ADK: variants seen among roughly 807,000 people sequenced by gnomAD.
ADK encodes adenosine kinase.
ADK carries 24 observed loss-of-function variants against 44.7 expected under a neutral mutation model. That is an observed-to-expected ratio of 0.54 (90% CI 0.39 to 0.76). ADK has a LOEUF of 0.76. ADK is among the 30% of genes least tolerant of loss of function. The pLI, the probability that ADK is intolerant of heterozygous loss-of-function variation, is 0.00. For synonymous variants in ADK, 128 were observed against 142.6 expected, an observed-to-expected ratio of 0.90 and a Z score of 0.73; for missense variants, 321 against 425.1, an observed-to-expected ratio of 0.76 and a Z score of 2.15.
intron 7 of ADK, among the ~76,000 whole-genome samples, chr10:74,539,627 T>G (rs1419105535): frequency 6.6e-6 from 1 of 152,070 alleles, no homozygotes; most frequent in Non-Finnish European, 1.5e-5. Context: ...AGACAAAATG[T>G]AAGGTTGTTA....
chr10:74,644,888 G>T (rs982194759), intron 9 of ADK, among the ~76,000 whole-genome samples: 3 of 152,032 alleles, frequency 2.0e-5, no homozygotes, highest in Non-Finnish European at 2.9e-5. Flanking sequence ...TTATATGTAT[G>T]CACATTTTCT....
chr10:74,690,618 C>T (rs1855959472), intron 10 of ADK, among the ~76,000 whole-genome samples: 1 of 152,248 alleles, frequency 6.6e-6, no homozygotes, highest in Non-Finnish European at 1.5e-5. Flanking sequence ...GTCCTGTCAA[C>T]AGCATGGCTT....
intron 4 of ADK, among the ~76,000 whole-genome samples, chr10:74,393,154 A>G (rs978926775): frequency 6.6e-6 from 1 of 152,028 alleles, no homozygotes; most frequent in Non-Finnish European, 1.5e-5. Context: ...TTACCTCTCA[A>G]ATATGCATGT....
At chr10:74,564,985 A>C (rs1027365748) in intron 7 of ADK, among the ~76,000 whole-genome samples, 6 of 152,056 alleles carry the variant, frequency 3.9e-5, no homozygotes, top group Non-Finnish European at 8.8e-5. Context: ...AGGCTTCAAT[A>C]GCTTTCTGTG....
chr10:74,356,905 C>T (rs781748551), intron 4 of ADK, among the ~76,000 whole-genome samples: 9 of 151,958 alleles, frequency 5.9e-5, no homozygotes, highest in Non-Finnish European at 1.3e-4. Context: ...TCCCTGGAGA[C>T]GTCCAAGGAT....
intron 3 of ADK, among the ~76,000 whole-genome samples, chr10:74,232,334 C>T (rs994286059): frequency 5.3e-5 from 8 of 151,900 alleles, no homozygotes; most frequent in Non-Finnish European, 1.0e-4. Flanking sequence ...GCCTTGGCAA[C>T]GTGGCGAAAC....
At chr10:74,207,257 AAG>A (rs1843639730) in intron 2 of ADK, among the ~76,000 whole-genome samples, 1 of 152,176 alleles carries the variant, frequency 6.6e-6, no homozygotes, top group African/African-American at 2.4e-5. Context: ...CAGAGCCCCA[AAG>A]AGAGTGTCAC....
At chr10:74,414,462 G>A (rs957093376) in intron 6 of ADK, among the ~76,000 whole-genome samples, 4 of 152,182 alleles carry the variant, frequency 2.6e-5, no homozygotes, top group Admixed American at 6.5e-5. Context: ...TAGGCTGGAC[G>A]TGGTGGCTCA....
Position 74,629,741 on chromosome 10 carries a change from T to G in ADK, c.877+29248T>G, listed in dbSNP as rs373165211. Among the ~76,000 whole-genome samples, 8 of 152,180 alleles carry G rather than the reference T, an allele frequency of 5.3e-5. No homozygotes were observed. In the East Asian group the frequency reaches 1.5e-3, roughly 29 times the overall value. On this transcript the variant is annotated intron_variant, in intron 9 of 10. Transcript: ENST00000539909. Reference sequence around the variant, plus strand: ...GCATGACTTCACATCACACTGGTGATCAGAGAAACAATGTATTTTAAAAGT... The same window carrying G: ...GCATGACTTCACATCACACTGGTGAGCAGAGAAACAATGTATTTTAAAAGT...
intron 1 of ADK, among the ~76,000 whole-genome samples, chr10:74,152,341 G>T (rs1239624152): frequency 1.3e-5 from 2 of 152,048 alleles, no homozygotes; most frequent in African/African-American, 4.8e-5. Context: ...ACCCTCAAAG[G>T]GTTAGTGTGC....
intron 7 of ADK, among the ~76,000 whole-genome samples, chr10:74,549,944 C>T (rs1324040030): frequency 6.6e-6 from 1 of 152,026 alleles, no homozygotes; most frequent in Non-Finnish European, 1.5e-5. Context: ...TTTATGATGC[C>T]TACTTGTCAT....
intron 3 of ADK, among the ~76,000 whole-genome samples, chr10:74,275,837 C>T (rs1463952513): frequency 2.0e-5 from 3 of 152,052 alleles, no homozygotes; most frequent in Non-Finnish European, 4.4e-5. Context: ...GATGGGGTTT[C>T]GCTATGTTGG....
chr10:74,452,095 G>A (rs952398804), intron 6 of ADK, among the ~76,000 whole-genome samples: 2 of 151,622 alleles, frequency 1.3e-5, no homozygotes, highest in African/African-American at 4.8e-5. Flanking sequence ...CTAGAAGAAA[G>A]ATATATCTCC....
intron 8 of ADK, among the ~76,000 whole-genome samples, 198 bp downstream of exon 8, chr10:74,589,515 A>G: frequency 6.6e-6 from 1 of 152,150 alleles, no homozygotes; most frequent in East Asian, 1.9e-4. Context: ...GTCTGCACCC[A>G]ACATCGCCTA....
At chr10:74,281,848 A>G (rs1038436966) in intron 3 of ADK, among the ~76,000 whole-genome samples, 4 of 152,322 alleles carry the variant, frequency 2.6e-5, no homozygotes, top group African/African-American at 9.6e-5. Context: ...GTCTTTGTCC[A>G]TAACTTTTAT....
intron 9 of ADK, among the ~76,000 whole-genome samples, chr10:74,629,134 A>G (rs1250251127): frequency 6.6e-6 from 1 of 151,938 alleles, no homozygotes; most frequent in Admixed American, 6.6e-5. Flanking sequence ...GGCTCAAACA[A>G]TCCTCCTGCC....
At chr10:74,530,394 A>C (rs954786948) in intron 7 of ADK, 2 of 152,186 alleles carry the variant, frequency 1.3e-5, no homozygotes, top group African/African-American at 4.8e-5. Context: ...AGCTAAAATC[A>C]AACACACTTG....
At chr10:74,235,461 G>A (rs575505644) in intron 3 of ADK, among the ~76,000 whole-genome samples, 1 of 151,972 alleles carries the variant, frequency 6.6e-6, no homozygotes, top group Non-Finnish European at 1.5e-5. Context: ...GTGCCACCAC[G>A]CCTGGCTCCT....
chr10:74,335,265 TA>T (rs1841366830), intron 4 of ADK, among the ~76,000 whole-genome samples: 2 of 152,312 alleles, frequency 1.3e-5, no homozygotes, highest in South Asian at 2.1e-4. Context: ...TTTATTTATT[TA>T]TTTTTTTGGC....
Sources: allele counts gnomAD v4.1 joint callset (sites outside exome capture counted in the v4.1 genomes callset), GRCh38; gene constraint gnomAD v4.1.1; transcripts MANE v1.5; gene names NCBI Gene and HGNC (gene_info 2026-07-23, HGNC 2026-07-21).